MYOZ2: variants seen among roughly 807,000 people sequenced by gnomAD.
The protein encoded by MYOZ2 is myozenin-2.
In MYOZ2, 19 loss-of-function variants were observed where a neutral mutation model predicts 25.4. The ratio of observed to expected loss-of-function variants is 0.75; its 90% CI spans 0.52 to 1.10. The LOEUF is 1.10. Among genes scored for constraint, MYOZ2 ranks in the 50% least tolerant of loss-of-function variants. The probability of loss-of-function intolerance (pLI) is 0.00; values close to 1 mark genes in which losing one functional copy is unlikely to be tolerated. For missense variants in MYOZ2, 270 were observed against 317.9 expected (o/e 0.85, Z 1.15); for synonymous variants, 92 against 106.9 (o/e 0.86, Z 0.86).
At chr4:119,168,300 A>G (rs950154796) in intron 5 of MYOZ2, among the ~76,000 whole-genome samples, 1 of 152,198 alleles carries the variant, frequency 6.6e-6, no homozygotes, top group Non-Finnish European at 1.5e-5. Flanking sequence ...TTGACACAAC[A>G]TCCATTCTGT....
chr4:119,185,193 T>C (rs7655064), intron 5 of MYOZ2, among the ~76,000 whole-genome samples: 18,149 of 151,496 alleles, frequency 0.12, 1,201 homozygotes, highest in African/African-American at 0.13. Flanking sequence ...TCTTTTTTTC[T>C]GAGATGAGGT....
intron 2 of MYOZ2, among the ~76,000 whole-genome samples, chr4:119,138,030 G>T (rs1201345101): frequency 6.6e-6 from 1 of 152,072 alleles, no homozygotes; most frequent in Non-Finnish European, 1.5e-5. Context: ...GGAATCTACT[G>T]TTAGCTCTGA....
intron 2 of MYOZ2, 136 bp from the exon 3 acceptor site, chr4:119,150,736 T>C: frequency 1.2e-6 from 1 of 826,422 alleles, no homozygotes; most frequent in Non-Finnish European, 1.9e-6. Context: ...ATGAAGGAAC[T>C]GAGGTTTAGA....
chr4:119,150,823 TA>T (rs779457771), intron 2 of MYOZ2, 48 bp from the exon 3 acceptor site: 32 of 1,560,070 alleles, frequency 2.1e-5, no homozygotes, highest in Non-Finnish European at 2.7e-5. Context: ...ATAAAAGCAT[TA>T]AAAATGCTTA....
intron 5 of MYOZ2, among the ~76,000 whole-genome samples, chr4:119,174,111 G>A (rs1742002281): frequency 6.6e-6 from 1 of 152,168 alleles, no homozygotes; most frequent in Non-Finnish European, 1.5e-5. Flanking sequence ...TCCCCGACGA[G>A]TGCCACCTCC....
At chr4:119,184,809 T>C (rs903241375) in intron 5 of MYOZ2, among the ~76,000 whole-genome samples, 3 of 152,164 alleles carry the variant, frequency 2.0e-5, no homozygotes, top group Non-Finnish European at 4.4e-5. Context: ...GTTTTTGAGG[T>C]AGAAAGATGC....
At chr4:119,165,133 C>T (rs1020145109) in intron 5 of MYOZ2, among the ~76,000 whole-genome samples, 23 of 149,060 alleles carry the variant, frequency 1.5e-4, no homozygotes, top group African/African-American at 5.7e-4. Context: ...AGCTTAATAA[C>T]CATTCATTTA....
At chr4:119,183,846 C>T (rs1180269998) in intron 5 of MYOZ2, among the ~76,000 whole-genome samples, 4 of 150,256 alleles carry the variant, frequency 2.7e-5, no homozygotes, top group African/African-American at 9.8e-5. Flanking sequence ...CTGAGTTTCC[C>T]TCTTATTGTC....
chr4:119,142,465 T>C (rs1466206944), intron 2 of MYOZ2, among the ~76,000 whole-genome samples: 2 of 152,116 alleles, frequency 1.3e-5, no homozygotes. Flanking sequence ...TCCAAACACA[T>C]AGTGACAGAG....
intron 2 of MYOZ2, among the ~76,000 whole-genome samples, chr4:119,137,822 T>C (rs1229018672): frequency 6.6e-6 from 1 of 152,220 alleles, no homozygotes; most frequent in Non-Finnish European, 1.5e-5. Flanking sequence ...CATGCATCTT[T>C]GTGTTTCCAG....
chr4:119,147,756 A>ATAAAT (rs1561106689), intron 2 of MYOZ2, among the ~76,000 whole-genome samples: 2 of 91,548 alleles, frequency 2.2e-5, no homozygotes, highest in African/African-American at 2.9e-5. Context: ...AAAAAAAAAA[A>ATAAAT]ATCTACTTTG....
intron 5 of MYOZ2, among the ~76,000 whole-genome samples, chr4:119,167,056 C>T (rs909314729): frequency 6.6e-6 from 1 of 152,136 alleles, no homozygotes; most frequent in Admixed American, 6.5e-5. Context: ...TCACAAGTCT[C>T]TCATTTTAAA....
At chr4:119,176,214 C>A (rs1300335271) in intron 5 of MYOZ2, among the ~76,000 whole-genome samples, 2 of 148,642 alleles carry the variant, frequency 1.3e-5, no homozygotes, top group African/African-American at 4.9e-5. Flanking sequence ...ATGGGTGAAT[C>A]AACCATTGAA....
chr4:119,168,683 A>AAAC (rs150292392), intron 5 of MYOZ2, among the ~76,000 whole-genome samples: 22,978 of 150,854 alleles, frequency 0.15, 2,553 homozygotes, highest in African/African-American at 0.32. Context: ...AACAACAACA[A>AAAC]AACAACAACA....
chr4:119,137,349 A>T (rs931753905), intron 2 of MYOZ2, among the ~76,000 whole-genome samples: 1 of 152,186 alleles, frequency 6.6e-6, no homozygotes, highest in Admixed American at 6.6e-5. Flanking sequence ...GTTTATAAGC[A>T]ACGTATAGCA....
intron 5 of MYOZ2, among the ~76,000 whole-genome samples, chr4:119,166,713 C>A (rs189763115): frequency 7.2e-5 from 11 of 152,292 alleles, no homozygotes; most frequent in African/African-American, 2.4e-4. Context: ...TCAAGCAAGT[C>A]TATTGGTGCC....
intron 3 of MYOZ2, among the ~76,000 whole-genome samples, chr4:119,155,669 G>C: frequency 6.6e-6 from 1 of 152,090 alleles, no homozygotes; most frequent in East Asian, 1.9e-4. Flanking sequence ...AGGTGAGTAT[G>C]ACATCTACAT....
At chr4:119,178,463 T>C (rs1742122873) in intron 5 of MYOZ2, among the ~76,000 whole-genome samples, 1 of 152,214 alleles carries the variant, frequency 6.6e-6, no homozygotes, top group Admixed American at 6.5e-5. Context: ...TAGCTCCAAA[T>C]GGGCTCCTTT....
chr4:119,143,781 C>G (rs985480655), intron 2 of MYOZ2, among the ~76,000 whole-genome samples: 2 of 152,150 alleles, frequency 1.3e-5, no homozygotes, highest in Non-Finnish European at 2.9e-5. Flanking sequence ...TCCAGAATGT[C>G]AAATAGCTGG....
Sources: gnomAD v4.1 joint callset for allele counts (sites outside exome capture counted in the v4.1 genomes callset) on GRCh38, gnomAD v4.1.1 for gene constraint, MANE v1.5 for transcripts, NCBI Gene and HGNC (gene_info 2026-07-23, HGNC 2026-07-21) for gene names.